Variants in PRP4K observed in about 807,000 individuals in gnomAD.
PRP4K encodes the protein serine/threonine-protein kinase PRP4 homolog.
At chr6:4,049,112 T>C in the PRP4K span, 1 of 1,599,110 alleles carries the variant, frequency 6.3e-7, no homozygotes, top group Non-Finnish European at 8.5e-7. Flanking sequence ...TTATCGTAAG[T>C]TCACATTTTA....
At chr6:4,024,155 G>C in the PRP4K span, among the ~76,000 whole-genome samples, 1 of 152,000 alleles carries the variant, frequency 6.6e-6, no homozygotes, top group Non-Finnish European at 1.5e-5. Context: ...GTGAGCTACC[G>C]TGCCGAGCCA....
the PRP4K span, among the ~76,000 whole-genome samples, chr6:4,034,304 A>G: frequency 2.6e-5 from 4 of 152,112 alleles, no homozygotes; most frequent in South Asian, 6.2e-4. Context: ...GTATTATAGT[A>G]TCATTCTCCT....
At chr6:4,028,197 T>A in the PRP4K span, among the ~76,000 whole-genome samples, 1 of 152,198 alleles carries the variant, frequency 6.6e-6, no homozygotes, top group Non-Finnish European at 1.5e-5. Flanking sequence ...GTTTTGTTTT[T>A]TGTGTGTGTT....
chr6:4,057,162 A>G, the PRP4K span: 24 of 1,612,256 alleles, frequency 1.5e-5, no homozygotes, highest in Non-Finnish European at 2.0e-5. Context: ...CTTGCAATGG[A>G]TCTCAAAGGA....
At chr6:4,038,731 C>G in the PRP4K span, among the ~76,000 whole-genome samples, 1 of 152,086 alleles carries the variant, frequency 6.6e-6, no homozygotes, top group Non-Finnish European at 1.5e-5. Flanking sequence ...TCTGACACTG[C>G]TAGTCTTCTT....
At chr6:4,040,319 A>G in the PRP4K span, among the ~76,000 whole-genome samples, 5 of 152,170 alleles carry the variant, frequency 3.3e-5, no homozygotes, top group Admixed American at 2.6e-4. Flanking sequence ...TGACAGACAC[A>G]TAAGTCACAC....
the PRP4K span, chr6:4,062,448 TG>T: frequency 6.6e-6 from 1 of 152,588 alleles, no homozygotes; most frequent in Admixed American, 6.5e-5. The surrounding 1 kb of genome is among the most constrained non-coding windows in gnomAD (Gnocchi z 4.2). Context: ...CTTTGCTGTT[TG>T]GGGGGTAAAA....
chr6:4,047,988 T>C, the PRP4K span, among the ~76,000 whole-genome samples: 3 of 150,300 alleles, frequency 2.0e-5, no homozygotes, highest in Non-Finnish European at 2.9e-5. Context: ...TAGGAGAGGA[T>C]GAAATGAGTA....
the PRP4K span, chr6:4,060,968 A>G: frequency 3.9e-6 from 1 of 254,890 alleles, no homozygotes; most frequent in Non-Finnish European, 7.6e-6. This position sits in a 1 kb window ranked among gnomAD's most constrained non-coding sequence, Gnocchi z 4.7. Context: ...TTTGGTCTTG[A>G]GATAAAATGG....
the PRP4K span, chr6:4,064,038 T>A: frequency 6.6e-6 from 1 of 152,190 alleles, no homozygotes; most frequent in Non-Finnish European, 1.5e-5. Context: ...GGATAGACTT[T>A]ATTCTTGAAG....
the PRP4K span, among the ~76,000 whole-genome samples, chr6:4,035,944 A>G: frequency 6.6e-6 from 1 of 152,116 alleles, no homozygotes; most frequent in Non-Finnish European, 1.5e-5. Flanking sequence ...CAGCCTGTGC[A>G]ACAAGAGCAA....
chr6:4,046,208 A>G, the PRP4K span, among the ~76,000 whole-genome samples: 6 of 152,196 alleles, frequency 3.9e-5, no homozygotes, highest in African/African-American at 1.2e-4. Context: ...TTTGCTATGT[A>G]TTACCAAATT....
the PRP4K span, chr6:4,061,422 A>G: frequency 6.5e-6 from 1 of 152,770 alleles, no homozygotes; most frequent in South Asian, 2.1e-4. Context: ...TAGACTTTAT[A>G]TACATTTTGT....
chr6:4,036,078 A>G, the PRP4K span, among the ~76,000 whole-genome samples: 1 of 152,258 alleles, frequency 6.6e-6, no homozygotes, highest in Non-Finnish European at 1.5e-5. Flanking sequence ...CAAACCTGGA[A>G]TAACATTAAG....
chr6:4,049,154 C>T, the PRP4K span: 22 of 1,449,740 alleles, frequency 1.5e-5, no homozygotes, highest in Non-Finnish European at 2.0e-5. Context: ...TAACACCATG[C>T]AAAAGCATGC....
chr6:4,024,903 C>T, the PRP4K span, among the ~76,000 whole-genome samples: 4 of 152,260 alleles, frequency 2.6e-5, no homozygotes, highest in South Asian at 4.1e-4. Context: ...TGCACCTGAC[C>T]GTGACTATGT....
At chr6:4,046,135 G>A in the PRP4K span, among the ~76,000 whole-genome samples, 1 of 152,216 alleles carries the variant, frequency 6.6e-6, no homozygotes. Flanking sequence ...CTTGGCCACT[G>A]TGTTTTACGA....
chr6:4,049,489 A>G, the PRP4K span: 2 of 496,414 alleles, frequency 4.0e-6, no homozygotes, highest in Non-Finnish European at 7.0e-6. Context: ...GAAAAACTTA[A>G]TGTTAAAATC....
At chr6:4,037,605 C>T in the PRP4K span, 2 of 1,587,396 alleles carry the variant, frequency 1.3e-6, no homozygotes, top group Non-Finnish European at 8.6e-7. Flanking sequence ...TCATTAAACT[C>T]TGAATGTTTT....
Sources: gnomAD v4.1 joint callset for allele counts (sites outside exome capture counted in the v4.1 genomes callset) on GRCh38, gnomAD v4.1.1 for gene constraint, Gnocchi (gnomAD v3.1) non-coding constraint, MANE v1.5 for transcripts, NCBI Gene and HGNC (gene_info 2026-07-23, HGNC 2026-07-21) for gene names.